Variants in IVD observed in about 807,000 individuals in gnomAD.
IVD encodes isovaleryl-CoA dehydrogenase, also known as isovaleryl-CoA dehydrogenase, mitochondrial.
IVD carries 31 observed loss-of-function variants against 51.3 expected under a neutral mutation model. The observed-to-expected ratio is 0.60, with a 90% confidence interval of 0.45 to 0.81. The LOEUF (loss-of-function observed/expected upper bound fraction) is 0.81. Ranked by LOEUF, IVD falls within the 40% of genes least tolerant of loss-of-function variation. IVD has a pLI of 0.00. For missense variants in IVD, 475 were observed against 552.0 expected (o/e 0.86, Z 1.40); for synonymous variants, 205 against 219.4 (o/e 0.93, Z 0.58).
chr15:40,423,548 G>A (rs973424393), downstream of IVD, among the ~76,000 whole-genome samples: 8 of 152,102 alleles, frequency 5.3e-5, no homozygotes, highest in Admixed American at 4.6e-4. Context: ...TGCAACCTCC[G>A]CCTCCTGGGT....
chr15:40,414,864 C>G (rs1393468618), intron 7 of IVD, 25 bp from the exon 8 acceptor site: 9 of 1,613,508 alleles, frequency 5.6e-6, no homozygotes, highest in East Asian at 2.2e-5. Context: ...AGCTCTCTCC[C>G]TCTGACCAGC....
chr15:40,408,429 G>A (rs984652962), intron 3 of IVD, among the ~76,000 whole-genome samples: 4 of 152,140 alleles, frequency 2.6e-5, no homozygotes, highest in African/African-American at 7.2e-5. Flanking sequence ...GGGACTGCCT[G>A]TGTCCTCTTC....
At chr15:40,407,217 C>T (rs186595140) in intron 1 of IVD, among the ~76,000 whole-genome samples, 4 of 152,352 alleles carry the variant, frequency 2.6e-5, no homozygotes, top group South Asian at 4.1e-4. Context: ...GCCAAAGGTT[C>T]GGGGGCTTAA....
intron 3 of IVD, among the ~76,000 whole-genome samples, chr15:40,410,367 C>G (rs544110679): frequency 1.3e-5 from 2 of 152,306 alleles, no homozygotes; most frequent in African/African-American, 4.8e-5. Context: ...GTATCTTCAT[C>G]AAGAAGTCTG....
At chr15:40,423,603 A>T (rs928155015), downstream of IVD, among the ~76,000 whole-genome samples, 2 of 152,148 alleles carry the variant, frequency 1.3e-5, no homozygotes, top group African/African-American at 4.8e-5. Context: ...CTGGGACTAC[A>T]GGTGCACACC....
chr15:40,418,406 T>A lies in IVD; in HGVS notation c.*143T>A, dbSNP rs1891949434. On this transcript the variant is annotated 3_prime_UTR_variant, in exon 12 of 12. Coordinates refer to ENST00000487418, the MANE Select transcript of IVD (RefSeq NM_002225.5). ...CCTCTGGCCTCTGGATGAGGTTGAG[T>A]TCTCCACAACAGCTCCCAAGCATCA... The A allele has an allele frequency of 6.4e-7, 1 of 1,567,168 alleles. No homozygotes were observed. The highest frequency in any genetic ancestry group is 8.6e-7 in the Non-Finnish European group (1 of 1,162,820).
intron 11 of IVD, among the ~76,000 whole-genome samples, chr15:40,417,794 T>A (rs1244354500): frequency 6.6e-6 from 1 of 152,214 alleles, no homozygotes; most frequent in Admixed American, 6.5e-5. Flanking sequence ...TCATAATAGT[T>A]CTATTTTAGT....
rs775337640 is a variant in IVD at position 40,407,908 on chromosome 15, C to A, written c.235-31C>A. Reference sequence around the variant, plus strand: ...GTGACTGGCTGCCTTCCCCTCAACACTTATTCCACTCTGCTCCATTCTGTT... The same window carrying A: ...GTGACTGGCTGCCTTCCCCTCAACAATTATTCCACTCTGCTCCATTCTGTT... On this transcript the variant is annotated intron_variant, in intron 2 of 11. Transcript: ENST00000487418. 21 of 1,613,036 alleles carry A rather than the reference C, an allele frequency of 1.3e-5. 1 individual carries two copies. In the South Asian group the frequency reaches 2.2e-4, roughly 17 times the overall value.
chr15:40,408,941 C>T (rs1167884248), intron 3 of IVD, among the ~76,000 whole-genome samples: 2 of 151,612 alleles, frequency 1.3e-5, no homozygotes, highest in Non-Finnish European at 2.9e-5. Context: ...CGGAGCGAAA[C>T]TCCGTTTCAA....
intron 8 of IVD, chr15:40,435,355 G>T: frequency 1.0e-6 from 1 of 990,156 alleles, no homozygotes; most frequent in Non-Finnish European, 1.2e-6. Flanking sequence ...AGAGCTCCTG[G>T]TTGGCAGGCA....
At chr15:40,411,751 T>G (rs1352876815) in intron 6 of IVD, 60 bp downstream of exon 6, 1 of 1,576,034 alleles carries the variant, frequency 6.3e-7, no homozygotes, top group South Asian at 1.1e-5. Flanking sequence ...GTACCAGAGA[T>G]AGCCCGTTCA....
downstream of IVD, among the ~76,000 whole-genome samples, chr15:40,428,867 G>A (rs577340107): frequency 2.9e-4 from 44 of 152,238 alleles, no homozygotes; most frequent in Non-Finnish European, 5.6e-4. Context: ...AGAAATGCAG[G>A]GTCCTCAGCC....
intron 7 of IVD, among the ~76,000 whole-genome samples, chr15:40,432,824 C>G (rs1349401423): frequency 2.0e-5 from 3 of 152,188 alleles, no homozygotes; most frequent in Non-Finnish European, 4.4e-5. Context: ...TGACTGAAGC[C>G]AGAGTGGGGC....
At position 40,421,236 on chromosome 15, in the gene IVD, T is replaced by G. The variant is rs1322300881; in HGVS notation, c.*2973T>G. On this transcript the variant is annotated 3_prime_UTR_variant, in exon 12 of 12. Transcript: ENST00000487418. Reference sequence around the variant, plus strand: ...TCTAAGCCCTGTCGACTTGGGGAGGTGATTTCTTTCCTGGTTCTATATGTG... The same window carrying G: ...TCTAAGCCCTGTCGACTTGGGGAGGGGATTTCTTTCCTGGTTCTATATGTG... 4 of 985,126 alleles carry G rather than the reference T, an allele frequency of 4.1e-6. No individual in the cohort carries two copies. The African/African-American group carries it at 5.3e-5, about 13-fold the overall frequency. 61.0% of individuals were successfully genotyped at this position (985,126 alleles called of 1,614,324 possible). A position where few individuals can be genotyped will look rare whatever the true frequency, so the allele number is the denominator to read the frequency against.
downstream of IVD, chr15:40,424,261 T>C (rs1595816368): frequency 8.8e-7 from 1 of 1,141,606 alleles, no homozygotes; most frequent in Admixed American, 2.5e-5. Flanking sequence ...CTGATCCCCC[T>C]GGGCCTTCCC....
downstream of IVD, among the ~76,000 whole-genome samples, chr15:40,427,477 G>T (rs568958516): frequency 1.7e-4 from 26 of 152,290 alleles, no homozygotes; most frequent in East Asian, 3.9e-3. Flanking sequence ...ATCTGCCTGG[G>T]TTCCCAAGAG....
At chr15:40,408,039 A>G in intron 3 of IVD, 49 bp downstream of exon 3, 9 of 1,534,274 alleles carry the variant, frequency 5.9e-6, no homozygotes, top group Non-Finnish European at 4.5e-6. Flanking sequence ...TGTGCCCTTT[A>G]AGACAGTTCC....
intron 3 of IVD, 67 bp from the exon 4 acceptor site, chr15:40,410,561 T>G: frequency 6.3e-7 from 1 of 1,576,624 alleles, no homozygotes; most frequent in Non-Finnish European, 8.7e-7. Flanking sequence ...AAATGTAAGA[T>G]TCTTAATGAA....
intron 5 of IVD, 42 bp from the exon 6 acceptor site, chr15:40,411,513 G>A (rs756203719): frequency 2.5e-6 from 4 of 1,614,064 alleles, no homozygotes; most frequent in East Asian, 2.2e-5. Flanking sequence ...GGCTGAGACA[G>A]GCCAAGATGG....
Sources: gnomAD v4.1 joint callset for allele counts (sites outside exome capture counted in the v4.1 genomes callset) on GRCh38, gnomAD v4.1.1 for gene constraint, MANE v1.5 for transcripts, NCBI Gene and HGNC (gene_info 2026-07-23, HGNC 2026-07-21) for gene names.